RAP1GAP2: variants seen among roughly 807,000 people sequenced by gnomAD.
RAP1GAP2 encodes RAP1 GTPase activating protein 2.
A neutral mutation model predicts 95.0 loss-of-function variants in RAP1GAP2; 27 were observed. That is an observed-to-expected ratio of 0.28 (90% CI 0.21 to 0.39). The LOEUF (loss-of-function observed/expected upper bound fraction) is 0.39, where lower values mean the gene tolerates loss of function less well. Among genes scored for constraint, RAP1GAP2 ranks in the 10% least tolerant of loss-of-function variants. The probability of loss-of-function intolerance (pLI) is 1.00; values close to 1 mark genes in which losing one functional copy is unlikely to be tolerated. For synonymous variants in RAP1GAP2, 373 were observed against 380.9 expected, an observed-to-expected ratio of 0.98 and a Z score of 0.24; for missense variants, 771 against 970.0, an observed-to-expected ratio of 0.79 and a Z score of 2.72.
At chr17:2,875,693 G>A (rs1383570102) in intron 2 of RAP1GAP2, among the ~76,000 whole-genome samples, 2 of 151,952 alleles carry the variant, frequency 1.3e-5, no homozygotes, top group African/African-American at 4.8e-5. Context: ...TGAATGTCTT[G>A]TCCTCCTGGT....
intron 3 of RAP1GAP2, among the ~76,000 whole-genome samples, chr17:2,952,631 CTATATGTTCCTGCCACA>C (rs1457032840): frequency 1.3e-5 from 2 of 152,136 alleles, no homozygotes; most frequent in African/African-American, 4.8e-5. Flanking sequence ...TTCCTGCCAG[CTATATGTTCCTGCCACA>C]TATCCTTGCC....
intron 4 of RAP1GAP2, among the ~76,000 whole-genome samples, chr17:2,960,123 CAAAAAAAAA>C: frequency 1.2e-5 from 1 of 80,990 alleles, no homozygotes; most frequent in African/African-American, 5.0e-5. Context: ...GACTCCATCT[CAAAAAAAAA>C]AAAAAAAAAC....
chr17:2,840,226 C>T (rs954449180), intron 2 of RAP1GAP2, among the ~76,000 whole-genome samples: 17 of 146,486 alleles, frequency 1.2e-4, no homozygotes, highest in Non-Finnish European at 2.0e-4. Context: ...TGCGGTGGCG[C>T]GATCTCGGTT....
intron 2 of RAP1GAP2, among the ~76,000 whole-genome samples, chr17:2,802,742 G>A (rs2151483299): frequency 1.3e-5 from 2 of 152,226 alleles, no homozygotes; most frequent in South Asian, 4.1e-4. Flanking sequence ...GAGTGCCATG[G>A]AGTAGTCCCG....
chr17:2,796,396 G>T (rs1377327628), upstream of RAP1GAP2: 5 of 985,320 alleles, frequency 5.1e-6, no homozygotes, highest in Non-Finnish European at 7.7e-6. This position sits in a 1 kb window ranked among gnomAD's most constrained non-coding sequence, Gnocchi z 4.7. Context: ...GGGGGCAGGC[G>T]AAGAGGGAGG....
chr17:2,859,221 G>A (rs992690804), intron 2 of RAP1GAP2, among the ~76,000 whole-genome samples: 1 of 147,198 alleles, frequency 6.8e-6, no homozygotes, highest in Non-Finnish European at 1.5e-5. Flanking sequence ...AGCCATTCTC[G>A]GGCCTCAACC....
chr17:2,975,105 C>T (rs550411242), intron 8 of RAP1GAP2, among the ~76,000 whole-genome samples: 62 of 152,312 alleles, frequency 4.1e-4, no homozygotes, highest in African/African-American at 1.5e-3. Context: ...TGGCATGTGC[C>T]TGTATTCCCA....
intron 3 of RAP1GAP2, among the ~76,000 whole-genome samples, chr17:2,914,951 C>T (rs1440142337): frequency 6.6e-6 from 1 of 151,696 alleles, no homozygotes; most frequent in East Asian, 1.9e-4. Flanking sequence ...GCCACCACGC[C>T]CAGCTAATTG....
In RAP1GAP2 at chr17:2,969,496, C is replaced by CTTTTTTTTTTT. The variant is rs34468461; in HGVS notation, c.596+3866_596+3876dup. 2.4e-4 allele frequency among the ~76,000 whole-genome samples: 20 copies of CTTTTTTTTTTT among 83,778 alleles called. 2 individuals carry two copies. The highest frequency in any genetic ancestry group is 4.2e-4 in the East Asian group (1 of 2,402). The allele number at this position is 83,778 out of a possible 152,430, so 55.0% of individuals were successfully genotyped here. On this transcript the variant is annotated intron_variant, in intron 8 of 24. Coordinates refer to ENST00000254695, the MANE Select transcript of RAP1GAP2 (RefSeq NM_015085.5). ...GTAAAGATGTGTAAATATATATATT[C>CTTTTTTTTTTT]TTTTTTTTTTTTTTTTTTTTTTTGA...
intron 2 of RAP1GAP2, among the ~76,000 whole-genome samples, chr17:2,822,687 T>A (rs937956984): frequency 1.3e-5 from 2 of 151,862 alleles, no homozygotes; most frequent in African/African-American, 4.8e-5. Context: ...CCCAGCACTT[T>A]TTTTTTTTCC....
Position 2,812,871 on chromosome 17 carries a change from T to A in RAP1GAP2, c.80+12321T>A, listed in dbSNP as rs1034559732. 4.6e-5 allele frequency among the ~76,000 whole-genome samples: 7 copies of A among 151,436 alleles called. No homozygotes were observed. In the South Asian group the frequency reaches 1.5e-3, roughly 32 times the overall value. ...CAGGCGTGGTGGTGGTTCCCTGTAATCCTAGCTACTCAGGAGGCTGAGGCA... is the reference window on the plus strand; with the variant it reads ...CAGGCGTGGTGGTGGTTCCCTGTAAACCTAGCTACTCAGGAGGCTGAGGCA... On this transcript the variant is annotated intron_variant, in intron 2 of 24. Transcript: ENST00000254695.
chr17:3,005,841 G>C lies in RAP1GAP2; in HGVS notation c.1273-114G>C. ...CTAGAAATGATCCGCTGTCGGAAGG[G>C]ACTTTTCAGGGGTTCTCCCCATGGC... On this transcript the variant is annotated intron_variant, in intron 15 of 24. Coordinates refer to ENST00000254695, the MANE Select transcript of RAP1GAP2 (RefSeq NM_015085.5). The surrounding 1 kb of genome is among the most constrained non-coding windows in gnomAD (Gnocchi z 5.2). The C allele has an allele frequency of 4.0e-6, 4 of 995,828 alleles. No individual in the cohort carries two copies. The highest frequency in any genetic ancestry group is 6.4e-6 in the Non-Finnish European group (4 of 623,586). The allele number at this position is 995,828 out of a possible 1,614,324, so 61.7% of individuals were successfully genotyped here.
At chr17:2,806,585 CG>C (rs2069531193) in intron 2 of RAP1GAP2, among the ~76,000 whole-genome samples, 1 of 150,418 alleles carries the variant, frequency 6.6e-6, no homozygotes, top group African/African-American at 2.4e-5. Context: ...TTAGTAGAGG[CG>C]GGGTTTCGCT....
intron 3 of RAP1GAP2, among the ~76,000 whole-genome samples, chr17:2,938,644 A>T (rs1233909066): frequency 1.3e-5 from 2 of 151,986 alleles, no homozygotes; most frequent in Admixed American, 6.6e-5. Flanking sequence ...AACCATGTTA[A>T]TTTTTTTTAA....
At chr17:2,853,606 C>T (rs1284986013) in intron 2 of RAP1GAP2, among the ~76,000 whole-genome samples, 1 of 150,068 alleles carries the variant, frequency 6.7e-6, no homozygotes, top group Non-Finnish European at 1.5e-5. Flanking sequence ...GCTTCGCCCG[C>T]TCCCTGTGCC....
rs1006318645 is a variant in RAP1GAP2 at position 2,832,513 on chromosome 17, G to A, written c.80+31963G>A. Among the ~76,000 whole-genome samples the A allele has an allele frequency of 1.5e-3, 218 of 142,466 alleles. 1 individual carries two copies. Among genetic ancestry groups the A allele is most frequent in the African/African-American group, 5.1e-3 (192 of 37,886 alleles). 93.5% of individuals were successfully genotyped at this position (142,466 alleles called of 152,430 possible). On this transcript the variant is annotated intron_variant, in intron 2 of 24. Coordinates refer to ENST00000254695, the MANE Select transcript of RAP1GAP2 (RefSeq NM_015085.5). ...GTGGAGGTTGCAGTGAGCCGAGATC[G>A]CGCCACTGCACTCCAGCCTGGGCGA...
intron 2 of RAP1GAP2, among the ~76,000 whole-genome samples, chr17:2,771,903 A>AT (rs546940440): frequency 2.0e-5 from 3 of 151,590 alleles, no homozygotes; most frequent in Non-Finnish European, 4.4e-5. Flanking sequence ...TAGAATATTA[A>AT]TTTTTTTTTA....
intron 2 of RAP1GAP2, among the ~76,000 whole-genome samples, chr17:2,801,998 C>T (rs1431957470): frequency 6.6e-6 from 1 of 152,190 alleles, no homozygotes; most frequent in African/African-American, 2.4e-5. Context: ...CCATCTGCTC[C>T]AGTGGAGTGA....
intron 2 of RAP1GAP2, among the ~76,000 whole-genome samples, chr17:2,845,582 G>C (rs908116331): frequency 6.6e-6 from 1 of 152,192 alleles, no homozygotes; most frequent in Admixed American, 6.5e-5. Flanking sequence ...CTTCTTATCA[G>C]CTGGGTGTGG....
Sources: gnomAD v4.1 joint callset for allele counts (sites outside exome capture counted in the v4.1 genomes callset) on GRCh38, gnomAD v4.1.1 for gene constraint, Gnocchi (gnomAD v3.1) non-coding constraint, MANE v1.5 for transcripts, NCBI Gene and HGNC (gene_info 2026-07-23, HGNC 2026-07-21) for gene names.